Variants in MAN2A2 observed in about 807,000 individuals in gnomAD.
MAN2A2 encodes mannosidase alpha class 2A member 2.
In MAN2A2, 79 loss-of-function variants were observed where a neutral mutation model predicts 126.8. That is an observed-to-expected ratio of 0.62 (90% CI 0.52 to 0.75). The LOEUF (loss-of-function observed/expected upper bound fraction) is 0.75, where lower values mean the gene tolerates loss of function less well. Among genes scored for constraint, MAN2A2 ranks in the 30% least tolerant of loss-of-function variants. The probability of loss-of-function intolerance (pLI) is 0.00; values close to 1 mark genes in which losing one functional copy is unlikely to be tolerated. For missense variants in MAN2A2, 1,392 were observed against 1,522.4 expected, an observed-to-expected ratio of 0.91 and a Z score of 1.43; for synonymous variants, 671 against 618.7, an observed-to-expected ratio of 1.08 and a Z score of -1.25.
chr15:90,914,584 A>G (rs145710800), intron 19 of MAN2A2, among the ~76,000 whole-genome samples: 21 of 151,954 alleles, frequency 1.4e-4, no homozygotes, highest in African/African-American at 4.8e-4. Flanking sequence ...CAGTGGTGCA[A>G]TCTCCGCTCA....
At chr15:90,903,129 C>G (rs1163278915), upstream of MAN2A2, 1 of 152,034 alleles carries the variant, frequency 6.6e-6, no homozygotes, top group African/African-American at 2.4e-5. Flanking sequence ...TCTCTGCGGT[C>G]CCCGGGGCCG....
rs369589002 is a variant in MAN2A2 at position 90,905,938 on chromosome 15, G to A, written c.629G>A (p.Arg210His). 64 of 1,613,542 alleles carry A rather than the reference G, an allele frequency of 4.0e-5. No individual in the cohort carries two copies. Among genetic ancestry groups the A allele is most frequent in the Non-Finnish European group, 4.8e-5 (57 of 1,179,764 alleles). ...AAGCTGCAGGAGGACCCCCGGCGGC[G>A]CTTCCTCTGGGCAGAGGTCTCCTTC... Reference protein sequence around the residue: ...VSKLQEDPRRRFLWAEVSFFA... With the variant: ...VSKLQEDPRRHFLWAEVSFFA... Residue 210 changes from arginine to histidine, a missense_variant, in exon 5 of 23, where the codon CGC becomes CAC. Transcript: ENST00000559717.
chr15:90,913,459 G>A, intron 18 of MAN2A2, 53 bp downstream of exon 18: 1 of 1,576,248 alleles, frequency 6.3e-7, no homozygotes, highest in East Asian at 2.2e-5. Context: ...CTTGGACTCT[G>A]CTTTTGCCCC....
intron 2 of MAN2A2, 71 bp from the exon 3 acceptor site, chr15:90,905,180 G>A: frequency 6.4e-7 from 1 of 1,553,516 alleles, no homozygotes. Flanking sequence ...GCCTCAGCTG[G>A]TAGACCCCAA....
At chr15:90,912,316 A>G (rs543986581) in intron 15 of MAN2A2, 37 bp downstream of exon 15, 25 of 1,607,468 alleles carry the variant, frequency 1.6e-5, no homozygotes, top group Non-Finnish European at 2.0e-5. Context: ...GCCAGGGGCC[A>G]GAGTAGGGCG....
upstream of MAN2A2, chr15:90,902,904 C>G (rs2033951648): frequency 6.7e-6 from 1 of 149,748 alleles, no homozygotes; most frequent in Non-Finnish European, 1.5e-5. Flanking sequence ...CGCGGGCCGC[C>G]GTCCCCGGGC....
intron 19 of MAN2A2, among the ~76,000 whole-genome samples, chr15:90,914,949 G>A (rs1332646187): frequency 1.3e-5 from 2 of 152,210 alleles, no homozygotes; most frequent in African/African-American, 4.8e-5. Context: ...TTTGCACTTG[G>A]TGGCATCTGA....
At chr15:90,913,825 C>T (rs1567129893) in intron 19 of MAN2A2, 70 bp downstream of exon 19, 1 of 1,489,290 alleles carries the variant, frequency 6.7e-7, no homozygotes, top group Non-Finnish European at 9.0e-7. Flanking sequence ...CTCAAGGGCT[C>T]CCCGCTCTGT....
intron 19 of MAN2A2, 144 bp from the exon 20 acceptor site, chr15:90,915,979 A>G: frequency 1.2e-6 from 1 of 826,624 alleles, no homozygotes; most frequent in South Asian, 1.9e-5. Flanking sequence ...AGCCGTGGGA[A>G]CCCGTGACCT....
In MAN2A2 at chr15:90,922,107, C is replaced by A. The variant is rs959429536; in HGVS notation, c.*2320C>A. The A allele has an allele frequency of 1.3e-5, 2 of 152,068 alleles. No individual in the cohort carries two copies. Among genetic ancestry groups the A allele is most frequent in the South Asian group, 2.1e-4 (1 of 4,818 alleles). The allele number at this position is 152,068 out of a possible 1,614,324, so 9.4% of individuals were successfully genotyped here. ...AGCAGATTTCGCAACCAAAAAATAT[C>A]GAAAGTCTCTGTGTGATGGAAAACA... On this transcript the variant is annotated 3_prime_UTR_variant, in exon 23 of 23. Transcript: ENST00000559717.
At chr15:90,911,838 C>G in intron 14 of MAN2A2, 1 of 623,722 alleles carries the variant, frequency 1.6e-6, no homozygotes, top group Non-Finnish European at 2.8e-6. Context: ...GTGTTGTTAC[C>G]GCTTCATACT....
In MAN2A2 at chr15:90,918,175, T is replaced by A; in HGVS notation, c.2995-19T>A. On this transcript the variant is annotated intron_variant, in intron 20 of 22. Coordinates refer to ENST00000559717, the MANE Select transcript of MAN2A2 (RefSeq NM_006122.4). ...GCCTGGCTTTGGTCCCTCACCAATATCTCGGGTCAATTTTGCAGGTCCAAG... is the reference window on the plus strand; with the variant it reads ...GCCTGGCTTTGGTCCCTCACCAATAACTCGGGTCAATTTTGCAGGTCCAAG... 1.2e-6 allele frequency: 2 copies of A among 1,607,302 alleles called. No individual in the cohort carries two copies. Among genetic ancestry groups the A allele is most frequent in the Non-Finnish European group, 1.7e-6 (2 of 1,175,450 alleles).
rs754317363 is a variant in MAN2A2 at position 90,905,931 on chromosome 15, C to T, written c.622C>T (p.Arg208Trp). Residue 208 changes from arginine to tryptophan, a missense_variant, in exon 5 of 23, where the codon CGG becomes TGG. Coordinates refer to ENST00000559717, the MANE Select transcript of MAN2A2 (RefSeq NM_006122.4). The stretch of plus-strand genomic sequence containing the variant: ...GGTGTCTAAGCTGCAGGAGGACCCC[C>T]GGCGGCGCTTCCTCTGGGCAGAGGT... ...SMVSKLQEDP[R>W]RRFLWAEVSF... 1.4e-5 allele frequency: 23 copies of T among 1,612,834 alleles called. No individual in the cohort carries two copies. The highest frequency in any genetic ancestry group is 7.7e-5 in the South Asian group (7 of 90,958).
rs149665631 is a variant in MAN2A2 at position 90,905,592 on chromosome 15, C to T, written c.404C>T (p.Ser135Leu). 5.2e-4 allele frequency: 843 copies of T among 1,614,122 alleles called. 8 individuals carry two copies. The Admixed American group carries it at 0.012, about 22-fold the overall frequency. ...TTCACCTGGCAGATGCTCACTGTGT[C>T]GGAGGAGCTGCCGTTTGACAACGTG... ...QKPELQMLTV[S>L]EELPFDNVDG... Residue 135 changes from serine to leucine, a missense_variant, in exon 4 of 23, where the codon TCG becomes TTG. Physicochemically the swap from Ser to Leu is moderately radical, Grantham distance 145. Coordinates refer to ENST00000559717, the MANE Select transcript of MAN2A2 (RefSeq NM_006122.4).
Position 90,919,486 on chromosome 15 carries a change from G to A in MAN2A2, c.3301-149G>A, listed in dbSNP as rs532310384. 5.2e-5 allele frequency: 45 copies of A among 872,510 alleles called. 1 individual carries two copies. The South Asian group carries it at 5.4e-4, about 10-fold the overall frequency. The allele number at this position is 872,510 out of a possible 1,614,324, so 54.0% of individuals were successfully genotyped here. On this transcript the variant is annotated intron_variant, in intron 22 of 22. Coordinates refer to ENST00000559717, the MANE Select transcript of MAN2A2 (RefSeq NM_006122.4). ...ACTCCTGACCTCAGGTGATCCACCCGCCTTGGCCTCCCAAAGTGCTGGGAT... is the reference window on the plus strand; with the variant it reads ...ACTCCTGACCTCAGGTGATCCACCCACCTTGGCCTCCCAAAGTGCTGGGAT...
intron 20 of MAN2A2, 41 bp downstream of exon 20, chr15:90,916,297 A>C: frequency 6.2e-7 from 1 of 1,601,066 alleles, no homozygotes; most frequent in South Asian, 1.1e-5. Flanking sequence ...AGGTCTGGCT[A>C]GTCCCTGGGG....
rs1475780163 is a variant in MAN2A2, at chr15:90,913,680, G to A, written c.2785G>A (p.Ala929Thr). 9.3e-6 allele frequency: 15 copies of A among 1,611,144 alleles called. No homozygotes were observed. Among genetic ancestry groups the A allele is most frequent in the Admixed American group, 1.7e-5 (1 of 59,664 alleles). Residue 929 changes from alanine to threonine, a missense_variant, in exon 19 of 23, where the codon GCC becomes ACC. Physicochemically the swap from Ala to Thr is moderately conservative, Grantham distance 58. Coordinates refer to ENST00000559717, the MANE Select transcript of MAN2A2 (RefSeq NM_006122.4). The part of the protein sequence containing the change: ...QANFYPMPVM[A>T]YIQDAQKRLT... Reference sequence around the variant, plus strand: ...CAACTTCTACCCCATGCCAGTCATGGCCTATATCCAGGACGCACAGAAGCG... The same window carrying A: ...CAACTTCTACCCCATGCCAGTCATGACCTATATCCAGGACGCACAGAAGCG...
In MAN2A2 at chr15:90,910,341, G is replaced by T. The variant is rs779428402; in HGVS notation, c.1577+49G>T. 2.4e-5 allele frequency: 39 copies of T among 1,604,788 alleles called. No homozygotes were observed. In the Admixed American group the frequency reaches 6.5e-4, roughly 27 times the overall value. Reference sequence around the variant, plus strand: ...GGCTGGAGGGGGAGAGTCAGCCTTTGGGGTTTAAGGAGGGGCTGGATTGGC... The same window carrying T: ...GGCTGGAGGGGGAGAGTCAGCCTTTTGGGTTTAAGGAGGGGCTGGATTGGC... On this transcript the variant is annotated intron_variant, in intron 10 of 22. Transcript: ENST00000559717.
intron 22 of MAN2A2, 131 bp downstream of exon 22, chr15:90,918,886 T>C (rs1175467163): frequency 1.5e-6 from 1 of 682,154 alleles, no homozygotes; most frequent in East Asian, 2.8e-5. Flanking sequence ...GGGGGGAAGC[T>C]GTAGACATGT....
Sources: allele counts gnomAD v4.1 joint callset (sites outside exome capture counted in the v4.1 genomes callset), GRCh38; gene constraint gnomAD v4.1.1; transcripts MANE v1.5; gene names NCBI Gene and HGNC (gene_info 2026-07-23, HGNC 2026-07-21).